SNX29: variants seen among roughly 807,000 people sequenced by gnomAD.
SNX29 encodes sorting nexin-29.
In SNX29, 78 loss-of-function variants were observed where a neutral mutation model predicts 102.1. That is an observed-to-expected ratio of 0.76 (90% confidence interval 0.64 to 0.92). SNX29 has a LOEUF of 0.92. Among genes scored for constraint, SNX29 ranks in the 40% least tolerant of loss-of-function variants. SNX29 has a pLI of 0.00. For missense variants in SNX29, 1,280 were observed against 1,061.7 expected, an observed-to-expected ratio of 1.21 and a Z score of -2.86; for synonymous variants, 580 against 414.5, an observed-to-expected ratio of 1.40 and a Z score of -4.85.
At chr16:12,231,621 C>T (rs556677102) in intron 14 of SNX29, among the ~76,000 whole-genome samples, 1 of 152,156 alleles carries the variant, frequency 6.6e-6, no homozygotes, top group South Asian at 2.1e-4. Context: ...ACAGAATTTC[C>T]CCATGTTTCT....
chr16:12,174,610 C>T (rs1295364942), intron 13 of SNX29, among the ~76,000 whole-genome samples: 3 of 152,314 alleles, frequency 2.0e-5, no homozygotes, highest in Middle Eastern at 3.4e-3. Context: ...AAACCAACCT[C>T]TTGTGGCGTT....
intron 18 of SNX29, among the ~76,000 whole-genome samples, chr16:12,441,817 C>G (rs575444148): frequency 6.6e-6 from 1 of 152,238 alleles, no homozygotes; most frequent in South Asian, 2.1e-4. Flanking sequence ...GAGTTAGATT[C>G]TCACTCTGTC....
chr16:12,019,945 A>G (rs1476780533), intron 3 of SNX29, among the ~76,000 whole-genome samples: 4 of 151,802 alleles, frequency 2.6e-5, no homozygotes, highest in Admixed American at 6.6e-5. Flanking sequence ...CCTGTATTGT[A>G]TTTTTCAAGC....
At chr16:12,147,610 G>C (rs2055117916) in intron 13 of SNX29, among the ~76,000 whole-genome samples, 1 of 152,206 alleles carries the variant, frequency 6.6e-6, no homozygotes, top group South Asian at 2.1e-4. Flanking sequence ...CCGAGAAATG[G>C]TTGGAATGAA....
At chr16:12,330,526 A>G (rs2081264128) in intron 15 of SNX29, among the ~76,000 whole-genome samples, 1 of 152,156 alleles carries the variant, frequency 6.6e-6, no homozygotes, top group Non-Finnish European at 1.5e-5. Context: ...GAACTGTTTA[A>G]TCCTCCCGAC....
At chr16:12,167,036 A>G (rs1159118689) in intron 13 of SNX29, among the ~76,000 whole-genome samples, 1 of 152,148 alleles carries the variant, frequency 6.6e-6, no homozygotes, top group African/African-American at 2.4e-5. Flanking sequence ...CACATGGCCC[A>G]TTTGCTCAAT....
At chr16:12,527,474 A>C (rs1478924402) in intron 20 of SNX29, 6 of 430,932 alleles carry the variant, frequency 1.4e-5, no homozygotes, top group South Asian at 6.5e-5. Flanking sequence ...TTAGGATCCA[A>C]AAAGTCCATT....
rs539503954 is a variant in SNX29 at position 12,569,840 on chromosome 16, C to T, written c.*1211C>T. The T allele has an allele frequency of 4.3e-6, 1 of 230,646 alleles. No individual in the cohort carries two copies. The highest frequency in any genetic ancestry group is 8.6e-6 in the Non-Finnish European group (1 of 116,504). The allele number at this position is 230,646 out of a possible 1,614,324, so 14.3% of individuals were successfully genotyped here. Reference sequence around the variant, plus strand: ...AGTTTGCATTTCTAGGGTAAACTAACTAGGAAGGATGTCGTGAAATGGACT... The same window carrying T: ...AGTTTGCATTTCTAGGGTAAACTAATTAGGAAGGATGTCGTGAAATGGACT... On this transcript the variant is annotated 3_prime_UTR_variant, in exon 21 of 21. Coordinates refer to ENST00000566228, the MANE Select transcript of SNX29 (RefSeq NM_032167.5).
intron 4 of SNX29, among the ~76,000 whole-genome samples, chr16:12,032,033 C>T (rs766189239): frequency 5.3e-5 from 8 of 152,178 alleles, no homozygotes; most frequent in Non-Finnish European, 1.2e-4. Context: ...ACCCCTGTCC[C>T]TGGCAGCCAG....
intron 15 of SNX29, among the ~76,000 whole-genome samples, chr16:12,281,639 C>G (rs984461041): frequency 6.6e-6 from 1 of 152,190 alleles, no homozygotes; most frequent in Non-Finnish European, 1.5e-5. Flanking sequence ...GATCCAGGCA[C>G]TGTGCTGGGG....
chr16:11,982,749 T>G (rs1596522564), intron 1 of SNX29, among the ~76,000 whole-genome samples: 1 of 151,792 alleles, frequency 6.6e-6, no homozygotes, highest in Non-Finnish European at 1.5e-5. Context: ...AAGGAGACAC[T>G]GAGATTCCTG....
chr16:12,324,439 G>T (rs540972), intron 15 of SNX29, among the ~76,000 whole-genome samples: 78,454 of 151,402 alleles, frequency 0.52, 20,938 homozygotes, highest in East Asian at 0.73. Flanking sequence ...TCTGTTTTTT[G>T]TTTGTTTGTT....
At chr16:12,064,314 C>T (rs1284360731) in intron 9 of SNX29, among the ~76,000 whole-genome samples, 1 of 152,176 alleles carries the variant, frequency 6.6e-6, no homozygotes, top group South Asian at 2.1e-4. Context: ...CAGAGCTCTT[C>T]CTGCTCTTCT....
At position 12,250,147 on chromosome 16, in the gene SNX29, A is replaced by T. The variant is rs557248909; in HGVS notation, c.1679-27786A>T. On this transcript the variant is annotated intron_variant, in intron 14 of 20. Transcript: ENST00000566228. ...AAACCAGCCTTGAAGGGTTAGACAG[A>T]CTTAGGTGGCCAAAGGGTTCCAGGC... Among the ~76,000 whole-genome samples, 7 of 152,278 alleles carry T rather than the reference A, an allele frequency of 4.6e-5. No homozygotes were observed. The South Asian group carries it at 1.5e-3, about 32-fold the overall frequency.
intron 2 of SNX29, among the ~76,000 whole-genome samples, chr16:11,999,699 C>T (rs2056217597): frequency 6.6e-6 from 1 of 152,034 alleles, no homozygotes; most frequent in African/African-American, 2.4e-5. Context: ...GTCAGGAGTT[C>T]CAGACTAACC....
At chr16:11,999,088 A>G (rs1034899163) in intron 1 of SNX29, among the ~76,000 whole-genome samples, 1 of 152,204 alleles carries the variant, frequency 6.6e-6, no homozygotes, top group Non-Finnish European at 1.5e-5. Context: ...AGACCATTCT[A>G]GACATGTTCA....
At position 12,573,481 on chromosome 16, in the gene SNX29, G is replaced by A. The variant is rs546819646; in HGVS notation, c.*4852G>A. ...TTAAGGAGCAGCGCTGCTGGCGGAA[G>A]ATTCTAGATTCACTGGTGGTTTAAG... On this transcript the variant is annotated 3_prime_UTR_variant, in exon 21 of 21. Coordinates refer to ENST00000566228, the MANE Select transcript of SNX29 (RefSeq NM_032167.5). 6.2e-5 allele frequency: 14 copies of A among 224,316 alleles called. No homozygotes were observed. Among genetic ancestry groups the A allele is most frequent in the East Asian group, 2.0e-4 (3 of 15,338 alleles). The allele number at this position is 224,316 out of a possible 1,614,324, so 13.9% of individuals were successfully genotyped here.
At position 11,976,764 on chromosome 16, in the gene SNX29, G is replaced by A; in HGVS notation, c.-43G>A. 7.7e-7 allele frequency: 1 copy of A among 1,295,780 alleles called. No homozygotes were observed. The highest frequency in any genetic ancestry group is 9.8e-7 in the Non-Finnish European group (1 of 1,015,760). 80.3% of individuals were successfully genotyped at this position (1,295,780 alleles called of 1,614,324 possible). On this transcript the variant is annotated 5_prime_UTR_variant, in exon 1 of 21. Transcript: ENST00000566228. ...GAGCTCGGCAGCCGCAGAAGCGGCA[G>A]CGGCGGCGGCGCGGCGCAGGCACCG...
chr16:12,515,731 G>A (rs2089834656), intron 19 of SNX29: 2 of 421,108 alleles, frequency 4.7e-6, no homozygotes, highest in Non-Finnish European at 9.6e-6. Flanking sequence ...CCGGAGGGCA[G>A]GGGTCACATC....
Sources: gnomAD v4.1 joint callset for allele counts (sites outside exome capture counted in the v4.1 genomes callset) on GRCh38, gnomAD v4.1.1 for gene constraint, MANE v1.5 for transcripts, NCBI Gene and HGNC (gene_info 2026-07-23, HGNC 2026-07-21) for gene names.